The following RALGAPB variants were observed in gnomAD, a reference collection of about 807,000 sequenced individuals.
RALGAPB encodes ral GTPase-activating protein subunit beta.
In RALGAPB, 25 loss-of-function variants were observed where a neutral mutation model predicts 161.1. The ratio of observed to expected loss-of-function variants is 0.16; its 90% CI spans 0.11 to 0.22. The LOEUF is 0.22. RALGAPB is among the 10% of genes least tolerant of loss of function. The probability of loss-of-function intolerance (pLI) is 1.00; values close to 1 mark genes in which losing one functional copy is unlikely to be tolerated. For synonymous variants in RALGAPB, 629 were observed against 626.1 expected (o/e 1.00, Z -0.07); for missense variants, 1,391 against 1,815.2 (o/e 0.77, Z 4.25).
At chr20:38,530,876 C>CCA (rs1277869895) in intron 13 of RALGAPB, among the ~76,000 whole-genome samples, 1 of 147,478 alleles carries the variant, frequency 6.8e-6, no homozygotes, top group Non-Finnish European at 1.5e-5. Context: ...TAGGCATGAA[C>CCA]CACTGTGCCT....
At chr20:38,516,919 TTATG>T (rs1003180009) in intron 7 of RALGAPB, among the ~76,000 whole-genome samples, 3 of 152,340 alleles carry the variant, frequency 2.0e-5, no homozygotes, top group Non-Finnish European at 4.4e-5. Context: ...TCTAAAATAT[TTATG>T]TATACTTATT....
intron 26 of RALGAPB, among the ~76,000 whole-genome samples, chr20:38,568,262 C>CA (rs11479909): frequency 7.6e-4 from 106 of 140,076 alleles, no homozygotes; most frequent in Middle Eastern, 3.6e-3. Context: ...AAAACAAAAA[C>CA]AAAAAAAAAA....
At chr20:38,511,308 T>C (rs1223789630) in intron 6 of RALGAPB, among the ~76,000 whole-genome samples, 1 of 152,044 alleles carries the variant, frequency 6.6e-6, no homozygotes, top group Non-Finnish European at 1.5e-5. Flanking sequence ...TATCTGATAT[T>C]GAGTCTGCCT....
At chr20:38,533,535 T>C (rs879517849) in intron 15 of RALGAPB, among the ~76,000 whole-genome samples, 20 of 152,168 alleles carry the variant, frequency 1.3e-4, no homozygotes, top group Non-Finnish European at 2.4e-4. Flanking sequence ...GATTCTTAGA[T>C]GTGAGTTTAA....
rs1020754484 is a variant in RALGAPB, at chr20:38,576,125, G to A, written c.*1158G>A. On this transcript the variant is annotated 3_prime_UTR_variant, in exon 30 of 30. Transcript: ENST00000262879. Reference sequence around the variant, plus strand: ...ATTACCTCGCTGCTACTTTTCTGCAGGGATAAAACTTTTGAGGTGGCCAGA... The same window carrying A: ...ATTACCTCGCTGCTACTTTTCTGCAAGGATAAAACTTTTGAGGTGGCCAGA... 1 of 152,546 alleles carries A rather than the reference G, an allele frequency of 6.6e-6. No homozygotes were observed. Among genetic ancestry groups the A allele is most frequent in the East Asian group, 1.9e-4 (1 of 5,202 alleles). 9.4% of individuals were successfully genotyped at this position (152,546 alleles called of 1,614,324 possible). A position where few individuals can be genotyped will look rare whatever the true frequency, so the allele number is the denominator to read the frequency against.
At chr20:38,477,514 C>A (rs1303567) in intron 1 of RALGAPB, among the ~76,000 whole-genome samples, 116,123 of 152,076 alleles carry the variant, frequency 0.76, 44,816 homozygotes, top group East Asian at 0.91. Flanking sequence ...AGGTGAATAC[C>A]TTCCTTTTTT....
At chr20:38,573,437 C>A (rs563648832) in intron 28 of RALGAPB, among the ~76,000 whole-genome samples, 1 of 152,040 alleles carries the variant, frequency 6.6e-6, no homozygotes, top group South Asian at 2.1e-4. Flanking sequence ...TCACAAATAA[C>A]ATGTAATATT....
At chr20:38,491,818 A>G (rs2085288827) in intron 2 of RALGAPB, among the ~76,000 whole-genome samples, 1 of 152,228 alleles carries the variant, frequency 6.6e-6, no homozygotes, top group South Asian at 2.1e-4. Flanking sequence ...AGCCCTCTAA[A>G]TAGTAACCCT....
intron 5 of RALGAPB, among the ~76,000 whole-genome samples, chr20:38,508,822 A>G (rs866496390): frequency 6.6e-6 from 1 of 152,190 alleles, no homozygotes; most frequent in Non-Finnish European, 1.5e-5. Flanking sequence ...TGTGGAGTAC[A>G]TAATGATGTT....
At chr20:38,535,392 A>G (rs2086774671) in intron 16 of RALGAPB, among the ~76,000 whole-genome samples, 185 bp downstream of exon 16, 1 of 152,240 alleles carries the variant, frequency 6.6e-6, no homozygotes, top group African/African-American at 2.4e-5. Flanking sequence ...TTACTTTTTA[A>G]AAATAGGTTC....
intron 28 of RALGAPB, among the ~76,000 whole-genome samples, chr20:38,571,714 A>C (rs2088247078): frequency 6.6e-6 from 1 of 152,166 alleles, no homozygotes; most frequent in African/African-American, 2.4e-5. Flanking sequence ...TCCTCTGGAT[A>C]TACACCCTGA....
rs373070449 is a variant in RALGAPB at position 38,526,691 on chromosome 20, T to C, written c.2050+649T>C. ...CCTGAAATTATCTTGTTTGCTTAAA[T>C]GCTTAAACTCCCCGCTTTTTACATG... On this transcript the variant is annotated intron_variant, in intron 13 of 29. Transcript: ENST00000262879. 3.4e-4 allele frequency among the ~76,000 whole-genome samples: 52 copies of C among 152,344 alleles called. No individual in the cohort carries two copies. In the South Asian group the frequency reaches 0.01, roughly 30 times the overall value.
At chr20:38,508,340 A>C (rs1162783946) in intron 5 of RALGAPB, among the ~76,000 whole-genome samples, 3 of 152,136 alleles carry the variant, frequency 2.0e-5, no homozygotes, top group East Asian at 3.8e-4. Flanking sequence ...AGAATAATTC[A>C]GAATCACTGA....
intron 18 of RALGAPB, among the ~76,000 whole-genome samples, chr20:38,543,206 C>G (rs950501413): frequency 6.6e-6 from 1 of 152,208 alleles, no homozygotes; most frequent in Non-Finnish European, 1.5e-5. Flanking sequence ...GTGTCTCTAA[C>G]CAGATTTCTC....
chr20:38,517,732 A>G (rs6092639), intron 8 of RALGAPB, 52 bp from the exon 9 acceptor site: 59,525 of 1,604,904 alleles, frequency 0.037, 5,674 homozygotes, highest in African/African-American at 0.37. Context: ...AAGTCTTGCT[A>G]TTTTCTCAGA....
intron 1 of RALGAPB, among the ~76,000 whole-genome samples, chr20:38,474,123 G>T (rs1365248873): frequency 6.6e-6 from 1 of 152,146 alleles, no homozygotes; most frequent in Non-Finnish European, 1.5e-5. Context: ...CTGCTCGTTT[G>T]CAATTTTCCT....
chr20:38,545,443 T>G (rs2145411002), intron 18 of RALGAPB, among the ~76,000 whole-genome samples: 1 of 152,284 alleles, frequency 6.6e-6, no homozygotes, highest in East Asian at 1.9e-4. Flanking sequence ...AAAGAAAATA[T>G]CTTAAAATGA....
chr20:38,509,244 TAGTA>T lies in RALGAPB; in HGVS notation c.872+41_872+44del, dbSNP rs774338847. ...TTTATTATTTCATGTGCCATTTACC[TAGTA>T]AGTATCTTAGGGCAGGAATCATGCT... is the stretch of plus-strand genomic sequence containing the variant. On this transcript the variant is annotated intron_variant, in intron 6 of 29. Coordinates refer to ENST00000262879, the MANE Select transcript of RALGAPB (RefSeq NM_020336.4). 3.1e-6 allele frequency: 5 copies of T among 1,593,068 alleles called. No individual in the cohort carries two copies. In the South Asian group the frequency reaches 4.4e-5, roughly 14 times the overall value.
At chr20:38,514,023 C>G (rs1294797502) in intron 6 of RALGAPB, among the ~76,000 whole-genome samples, 2 of 152,154 alleles carry the variant, frequency 1.3e-5, no homozygotes, top group Non-Finnish European at 2.9e-5. Flanking sequence ...GATAGTCTTT[C>G]TTCTTGAGCT....
Sources: allele counts gnomAD v4.1 joint callset (sites outside exome capture counted in the v4.1 genomes callset), GRCh38; gene constraint gnomAD v4.1.1; transcripts MANE v1.5; gene names NCBI Gene and HGNC (gene_info 2026-07-23, HGNC 2026-07-21).